HSD17B2: variants seen among roughly 807,000 people sequenced by gnomAD.
HSD17B2 encodes the protein hydroxysteroid 17-beta dehydrogenase 2, also known as 17-beta-hydroxysteroid dehydrogenase type 2.
HSD17B2 carries 32 observed loss-of-function variants against 26.9 expected under a neutral mutation model. The observed-to-expected ratio is 1.19, with a 90% CI of 0.90 to 1.60. The LOEUF (loss-of-function observed/expected upper bound fraction) is 1.60, where lower values mean the gene tolerates loss of function less well. Among genes scored for constraint, HSD17B2 ranks in the 40% most tolerant of loss-of-function variants. The pLI is 0.00. For synonymous variants in HSD17B2, 246 were observed against 186.7 expected (o/e 1.32, Z -2.59); for missense variants, 613 against 468.6 (o/e 1.31, Z -2.85).
chr16:82,093,726 A>G (rs1375514552), intron 4 of HSD17B2: 1 of 152,252 alleles, frequency 6.6e-6, no homozygotes, highest in Non-Finnish European at 1.5e-5. Flanking sequence ...AAGCAAGTTT[A>G]TTAAGAAAGT....
At chr16:82,090,774 T>C (rs1904668686) in intron 3 of HSD17B2, 128 bp from the exon 4 acceptor site, 2 of 862,806 alleles carry the variant, frequency 2.3e-6, no homozygotes, top group South Asian at 1.8e-5. Context: ...TCAGGGGGCC[T>C]TGCCTGCCTT....
At chr16:82,091,155 C>T in intron 4 of HSD17B2, 116 bp downstream of exon 4, 1 of 1,040,520 alleles carries the variant, frequency 9.6e-7, no homozygotes, top group South Asian at 1.3e-5. Flanking sequence ...TGAGCACAGC[C>T]AGAGATCAGT....
At chr16:82,037,414 C>T (rs539970420) in intron 1 of HSD17B2, among the ~76,000 whole-genome samples, 1 of 152,080 alleles carries the variant, frequency 6.6e-6, no homozygotes, top group Non-Finnish European at 1.5e-5. Flanking sequence ...AGAAGCCACG[C>T]TGAGTTTGGA....
intron 1 of HSD17B2, among the ~76,000 whole-genome samples, chr16:82,041,880 A>G (rs767788533): frequency 6.6e-6 from 1 of 152,104 alleles, no homozygotes; most frequent in Non-Finnish European, 1.5e-5. Flanking sequence ...TATACCTGAC[A>G]TTCTTCTGAG....
intron 2 of HSD17B2, among the ~76,000 whole-genome samples, chr16:82,070,130 ATGT>A (rs1019083351): frequency 1.3e-5 from 2 of 152,022 alleles, no homozygotes; most frequent in African/African-American, 2.4e-5. Context: ...AACATGTCAA[ATGT>A]TGTTTTTTTT....
chr16:82,060,874 C>A (rs1218649821), intron 1 of HSD17B2, among the ~76,000 whole-genome samples: 1 of 152,188 alleles, frequency 6.6e-6, no homozygotes, highest in Non-Finnish European at 1.5e-5. Flanking sequence ...CAGTGAGGAC[C>A]TTCTGAGAGA....
At chr16:82,056,863 T>C (rs1353730359) in intron 1 of HSD17B2, among the ~76,000 whole-genome samples, 1 of 152,196 alleles carries the variant, frequency 6.6e-6, no homozygotes, top group Non-Finnish European at 1.5e-5. Context: ...AAATGGCACC[T>C]CTGCTTTTTT....
At chr16:82,060,735 A>C (rs1215774169) in intron 1 of HSD17B2, among the ~76,000 whole-genome samples, 1 of 152,046 alleles carries the variant, frequency 6.6e-6, no homozygotes, top group Non-Finnish European at 1.5e-5. Context: ...CCCCGTAAGC[A>C]CCTCCACCTT....
intron 1 of HSD17B2, among the ~76,000 whole-genome samples, chr16:82,041,042 T>A (rs16956282): frequency 0.036 from 5,438 of 152,134 alleles, 335 homozygotes; most frequent in African/African-American, 0.12. Context: ...TAAAAAAGGT[T>A]TTGATAACCC....
intron 1 of HSD17B2, among the ~76,000 whole-genome samples, chr16:82,054,469 C>A (rs1202183974): frequency 6.6e-6 from 1 of 152,086 alleles, no homozygotes; most frequent in Non-Finnish European, 1.5e-5. Flanking sequence ...TTCAGCCTCC[C>A]AAGTAGCTGG....
chr16:82,052,569 C>A (rs1288679292), intron 1 of HSD17B2: 2 of 152,234 alleles, frequency 1.3e-5, no homozygotes, highest in African/African-American at 2.4e-5. Flanking sequence ...GAAGGCTACA[C>A]CCTGGGCATG....
At chr16:82,088,237 A>C (rs1429890356) in intron 3 of HSD17B2, among the ~76,000 whole-genome samples, 1 of 152,208 alleles carries the variant, frequency 6.6e-6, no homozygotes, top group African/African-American at 2.4e-5. Context: ...TATTACTCTA[A>C]GAAACCGTGA....
At chr16:82,048,542 G>A (rs1914007222) in intron 1 of HSD17B2, among the ~76,000 whole-genome samples, 1 of 152,174 alleles carries the variant, frequency 6.6e-6, no homozygotes, top group Non-Finnish European at 1.5e-5. Flanking sequence ...AAAAGAAAAA[G>A]TTTGGTGGAA....
chr16:82,060,008 G>A (rs542068633), intron 1 of HSD17B2, among the ~76,000 whole-genome samples: 60 of 152,316 alleles, frequency 3.9e-4, no homozygotes, highest in African/African-American at 1.4e-3. Context: ...GGGCAAAGGA[G>A]GAGGGAGGTC....
chr16:82,087,067 CT>C (rs1322246034), intron 3 of HSD17B2, among the ~76,000 whole-genome samples: 1 of 152,158 alleles, frequency 6.6e-6, no homozygotes, highest in Admixed American at 6.5e-5. Context: ...ATACAGCTAT[CT>C]TGAGGATTAG....
chr16:82,035,536 A>T lies in HSD17B2; in HGVS notation c.112A>T (p.Met38Leu). ...KKSSGQLWSW[M>L]VCLAGLCAVC... ...GAGCTCAGGGCAGCTGTGGAGCTGG[A>T]TGGTCTGCCTGGCAGGCCTCTGTGC... The change falls in exon 1 of 5, where the codon ATG (methionine) becomes TTG (leucine). Residue 38 changes from methionine to leucine, a missense_variant. Met to Leu is a conservative substitution (Grantham distance 15, BLOSUM62 2). Transcript: ENST00000199936. 6 of 1,613,996 alleles carry T rather than the reference A, an allele frequency of 3.7e-6. No homozygotes were observed. The highest frequency in any genetic ancestry group is 5.1e-6 in the Non-Finnish European group (6 of 1,180,036).
At position 82,098,472 on chromosome 16, in the gene HSD17B2, G is replaced by A; in HGVS notation, c.*36G>A. The A allele has an allele frequency of 6.5e-7, 1 of 1,538,214 alleles. No individual in the cohort carries two copies. Among genetic ancestry groups the A allele is most frequent in the Non-Finnish European group, 8.7e-7 (1 of 1,148,732 alleles). On this transcript the variant is annotated 3_prime_UTR_variant, in exon 5 of 5. Coordinates refer to ENST00000199936, the MANE Select transcript of HSD17B2 (RefSeq NM_002153.3). ...CCCTCAAAGAAGTCGGAATGTCATAGTCTTGAAATGAAAGGGAAACTGGGA... is the reference window on the plus strand; with the variant it reads ...CCCTCAAAGAAGTCGGAATGTCATAATCTTGAAATGAAAGGGAAACTGGGA...
intron 3 of HSD17B2, 46 bp from the exon 4 acceptor site, chr16:82,090,856 A>T: frequency 6.5e-7 from 1 of 1,540,126 alleles, no homozygotes; most frequent in Non-Finnish European, 8.8e-7. Flanking sequence ...GGATGAACAA[A>T]TGAACATTTC....
intron 4 of HSD17B2, chr16:82,092,584 G>C (rs1465337746): frequency 6.6e-6 from 1 of 152,184 alleles, no homozygotes; most frequent in African/African-American, 2.4e-5. Flanking sequence ...GGTTGCAGAG[G>C]GGGTGCAAGA....
Sources: gnomAD v4.1 joint callset for allele counts (sites outside exome capture counted in the v4.1 genomes callset) on GRCh38, gnomAD v4.1.1 for gene constraint, MANE v1.5 for transcripts, NCBI Gene and HGNC (gene_info 2026-07-23, HGNC 2026-07-21) for gene names.